Variants in TSPAN5 observed in about 807,000 individuals in gnomAD.
TSPAN5 encodes the protein tetraspanin-5.
In TSPAN5, 10 loss-of-function variants were observed where a neutral mutation model predicts 37.1. The observed-to-expected ratio is 0.27, with a 90% CI of 0.17 to 0.46. The LOEUF (loss-of-function observed/expected upper bound fraction) is 0.46, where lower values mean the gene tolerates loss of function less well. Among genes scored for constraint, TSPAN5 ranks in the 20% least tolerant of loss-of-function variants. The probability of loss-of-function intolerance (pLI) is 1.00; values close to 1 mark genes in which losing one functional copy is unlikely to be tolerated. For missense variants in TSPAN5, 195 were observed against 326.6 expected (o/e 0.60, Z 3.11); for synonymous variants, 110 against 118.9 (o/e 0.93, Z 0.48).
chr4:98,559,324 A>G (rs747794614), intron 1 of TSPAN5, among the ~76,000 whole-genome samples: 1 of 152,224 alleles, frequency 6.6e-6, no homozygotes, highest in Non-Finnish European at 1.5e-5. Context: ...GATATTCAAC[A>G]TGAATATTAC....
intron 1 of TSPAN5, among the ~76,000 whole-genome samples, chr4:98,585,447 T>A (rs1185384536): frequency 6.6e-6 from 1 of 152,140 alleles, no homozygotes; most frequent in African/African-American, 2.4e-5. Flanking sequence ...GTAGCTAGGA[T>A]TACAGGCATG....
At chr4:98,550,040 A>G (rs10010485) in intron 1 of TSPAN5, among the ~76,000 whole-genome samples, 14,910 of 152,090 alleles carry the variant, frequency 0.098, 1,290 homozygotes, top group African/African-American at 0.23. Flanking sequence ...TTAGGTCTTT[A>G]ATCCATCCTG....
chr4:98,484,411 G>C, intron 3 of TSPAN5: 1 of 455,818 alleles, frequency 2.2e-6, no homozygotes, highest in Non-Finnish European at 4.4e-6. Context: ...TCTGTTCGAA[G>C]ATTATTCCAG....
At chr4:98,623,954 G>A (rs1010765990) in intron 1 of TSPAN5, among the ~76,000 whole-genome samples, 5 of 152,118 alleles carry the variant, frequency 3.3e-5, no homozygotes, top group African/African-American at 1.2e-4. Context: ...TTTAAGGTAA[G>A]CCTATGTCAG....
intron 1 of TSPAN5, among the ~76,000 whole-genome samples, chr4:98,527,208 T>A (rs1484922865): frequency 6.6e-6 from 1 of 152,168 alleles, no homozygotes; most frequent in East Asian, 1.9e-4. Context: ...CCAGGTCTTT[T>A]GAATCCAAAG....
chr4:98,644,995 GC>G (rs1757031680), intron 1 of TSPAN5, among the ~76,000 whole-genome samples: 1 of 152,210 alleles, frequency 6.6e-6, no homozygotes, highest in Non-Finnish European at 1.5e-5. Flanking sequence ...ATAAATGCAT[GC>G]CTTGCTGCAA....
chr4:98,621,806 G>T (rs1309099247), intron 1 of TSPAN5, among the ~76,000 whole-genome samples: 8 of 136,734 alleles, frequency 5.9e-5, no homozygotes, highest in African/African-American at 1.7e-4. Flanking sequence ...CGCAGCCCCT[G>T]GCAACCATTA....
chr4:98,521,020 C>T (rs942021632), intron 1 of TSPAN5, among the ~76,000 whole-genome samples: 1 of 152,158 alleles, frequency 6.6e-6, no homozygotes, highest in Admixed American at 6.5e-5. Flanking sequence ...CAACCTCCAC[C>T]TCCCCGGTTC....
intron 1 of TSPAN5, among the ~76,000 whole-genome samples, chr4:98,556,037 A>AC (rs374997947): frequency 0.29 from 17,494 of 59,754 alleles, 3,941 homozygotes; most frequent in Non-Finnish European, 0.35. Context: ...CACACACAGC[A>AC]CCCCCACACA....
At chr4:98,545,115 AT>A (rs1420229141) in intron 1 of TSPAN5, among the ~76,000 whole-genome samples, 1 of 152,224 alleles carries the variant, frequency 6.6e-6, no homozygotes, top group Non-Finnish European at 1.5e-5. Flanking sequence ...ACCAAAGTCC[AT>A]GTCCATCAGA....
At chr4:98,511,571 C>G (rs1753606734) in intron 1 of TSPAN5, among the ~76,000 whole-genome samples, 1 of 152,182 alleles carries the variant, frequency 6.6e-6, no homozygotes, top group Non-Finnish European at 1.5e-5. Flanking sequence ...TGGCTGTTAA[C>G]TGAAACATCA....
chr4:98,545,802 G>A (rs1754456795), intron 1 of TSPAN5, among the ~76,000 whole-genome samples: 1 of 152,186 alleles, frequency 6.6e-6, no homozygotes. Flanking sequence ...AAAGTGCTGG[G>A]ATTACAGGCG....
intron 1 of TSPAN5, among the ~76,000 whole-genome samples, chr4:98,564,894 C>T (rs1315987020): frequency 6.6e-6 from 1 of 152,108 alleles, no homozygotes; most frequent in Non-Finnish European, 1.5e-5. Context: ...ACATCATGTT[C>T]CTGCTTCTGC....
At chr4:98,566,172 G>A (rs955293453) in intron 1 of TSPAN5, among the ~76,000 whole-genome samples, 8 of 152,080 alleles carry the variant, frequency 5.3e-5, no homozygotes, top group Admixed American at 1.3e-4. Flanking sequence ...CTTATAATCC[G>A]TGCTTATAAT....
chr4:98,620,025 G>A (rs933070008), intron 1 of TSPAN5, among the ~76,000 whole-genome samples: 1 of 152,172 alleles, frequency 6.6e-6, no homozygotes, highest in Non-Finnish European at 1.5e-5. Flanking sequence ...TTTAGACGTA[G>A]CATGGAGAAT....
In TSPAN5 at chr4:98,658,379, C is replaced by T. The variant is rs979798893; in HGVS notation, c.-153G>A. ...TGGGCTCAGCCGCGCGGGGACCGAC[C>T]GGCGGAGAGCGGCTCCCGCACCTCC... On this transcript the variant is annotated 5_prime_UTR_variant, in exon 1 of 8. Transcript: ENST00000305798. 25 of 483,504 alleles carry T rather than the reference C, an allele frequency of 5.2e-5. No individual in the cohort carries two copies. The Admixed American group carries it at 8.4e-4, about 16-fold the overall frequency. 30.0% of individuals were successfully genotyped at this position (483,504 alleles called of 1,614,324 possible).
chr4:98,575,221 T>C (rs1755206720), intron 1 of TSPAN5, among the ~76,000 whole-genome samples: 1 of 152,126 alleles, frequency 6.6e-6, no homozygotes. Flanking sequence ...ACAAAAAATA[T>C]AGAAAATTAT....
At chr4:98,549,212 A>C (rs537929276) in intron 1 of TSPAN5, among the ~76,000 whole-genome samples, 1 of 151,978 alleles carries the variant, frequency 6.6e-6, no homozygotes, top group Admixed American at 6.5e-5. Flanking sequence ...AACATCTGTT[A>C]TTTTTAGTCT....
intron 1 of TSPAN5, among the ~76,000 whole-genome samples, chr4:98,515,884 T>G (rs1348630051): frequency 6.6e-6 from 1 of 152,224 alleles, no homozygotes; most frequent in Non-Finnish European, 1.5e-5. Flanking sequence ...GTTCATGAAT[T>G]CTGGATGACT....
Sources: gnomAD v4.1 joint callset for allele counts (sites outside exome capture counted in the v4.1 genomes callset) on GRCh38, gnomAD v4.1.1 for gene constraint, MANE v1.5 for transcripts, NCBI Gene and HGNC (gene_info 2026-07-23, HGNC 2026-07-21) for gene names.